GPHN: variants seen among roughly 807,000 people sequenced by gnomAD.
The protein encoded by GPHN is gephyrin.
A neutral mutation model predicts 95.5 loss-of-function variants in GPHN; 17 were observed. The ratio of observed to expected loss-of-function variants is 0.18; its 90% CI spans 0.12 to 0.27. The LOEUF (loss-of-function observed/expected upper bound fraction) is 0.27. Among genes scored for constraint, GPHN ranks in the 10% least tolerant of loss-of-function variants. The pLI, the probability that GPHN is intolerant of heterozygous loss-of-function variation, is 1.00. For missense variants in GPHN, 660 were observed against 978.1 expected (o/e 0.67, Z 4.34); for synonymous variants, 320 against 322.5 (o/e 0.99, Z 0.08).
At chr14:67,165,137 A>G (rs1567434325) in intron 19 of GPHN, 25 bp from the exon 20 acceptor site, 1 of 1,536,242 alleles carries the variant, frequency 6.5e-7, no homozygotes, top group Non-Finnish European at 9.0e-7. Context: ...GCAATCACTA[A>G]CAAGTGACTC....
At chr14:67,296,274 A>G in the GPHN span, among the ~76,000 whole-genome samples, 3 of 152,172 alleles carry the variant, frequency 2.0e-5, no homozygotes, top group Admixed American at 2.0e-4. Flanking sequence ...AATTTCTTGA[A>G]TGCTAAGTAA....
intron 4 of GPHN, among the ~76,000 whole-genome samples, chr14:66,863,644 G>C (rs548170225): frequency 6.6e-6 from 1 of 152,218 alleles, no homozygotes; most frequent in South Asian, 2.1e-4. Context: ...GAACAGAATA[G>C]AGAATCTAAA....
At chr14:66,552,915 C>G (rs539567964) in intron 1 of GPHN, among the ~76,000 whole-genome samples, 2 of 151,226 alleles carry the variant, frequency 1.3e-5, no homozygotes, top group South Asian at 2.1e-4. Context: ...TCTAATGTAT[C>G]TCAGTGTGGT....
At chr14:66,756,813 A>T (rs2058573160) in intron 2 of GPHN, among the ~76,000 whole-genome samples, 1 of 152,242 alleles carries the variant, frequency 6.6e-6, no homozygotes, top group Non-Finnish European at 1.5e-5. Flanking sequence ...TTTGATAATG[A>T]GAATGAAGTA....
rs144233697 is a variant in GPHN, at chr14:67,048,323, A to T, written c.1007-10326A>T. Among the ~76,000 whole-genome samples, 18 of 152,286 alleles carry T rather than the reference A, an allele frequency of 1.2e-4. No individual in the cohort carries two copies. In the East Asian group the frequency reaches 3.5e-3, roughly 29 times the overall value. On this transcript the variant is annotated intron_variant, in intron 10 of 22. Coordinates refer to ENST00000478722, the MANE Select transcript of GPHN (RefSeq NM_020806.5). ...GATAGGAAATCTCACTAACATTTTTATTACTTCCTCTGCAAAAATTCTGAA... is the reference window on the plus strand; with the variant it reads ...GATAGGAAATCTCACTAACATTTTTTTTACTTCCTCTGCAAAAATTCTGAA...
At chr14:67,067,945 C>T (rs1304175997) in intron 11 of GPHN, among the ~76,000 whole-genome samples, 5 of 152,176 alleles carry the variant, frequency 3.3e-5, no homozygotes, top group Admixed American at 3.3e-4. Flanking sequence ...TTCGACTCGC[C>T]CTCCATGGGC....
At chr14:67,591,065 AATAT>A in the GPHN span, among the ~76,000 whole-genome samples, 2 of 152,182 alleles carry the variant, frequency 1.3e-5, no homozygotes, top group Non-Finnish European at 2.9e-5. Context: ...CACTACCTAA[AATAT>A]ATAAAGAATT....
chr14:66,783,553 C>T (rs1214834541), intron 3 of GPHN, among the ~76,000 whole-genome samples: 3 of 152,182 alleles, frequency 2.0e-5, no homozygotes, highest in Non-Finnish European at 4.4e-5. Flanking sequence ...CCTTTCCTTT[C>T]CCACGTAAGT....
the GPHN span, chr14:67,199,111 T>TG: frequency 1.6e-6 from 2 of 1,258,998 alleles, no homozygotes; most frequent in South Asian, 1.2e-5. Flanking sequence ...ACTGTGTACG[T>TG]GGGGGGCCTG....
At chr14:67,060,059 A>G (rs2075761859) in intron 11 of GPHN, among the ~76,000 whole-genome samples, 2 of 152,116 alleles carry the variant, frequency 1.3e-5, no homozygotes, top group Admixed American at 1.3e-4. Context: ...TAAAAAAATT[A>G]ATAATACTTT....
rs373833358 is a variant in GPHN at position 66,965,612 on chromosome 14, A to G, written c.963+287A>G. 2.0e-5 allele frequency among the ~76,000 whole-genome samples: 3 copies of G among 152,230 alleles called. No homozygotes were observed. In the East Asian group the frequency reaches 5.8e-4, roughly 29 times the overall value. On this transcript the variant is annotated intron_variant, in intron 9 of 22. Coordinates refer to ENST00000478722, the MANE Select transcript of GPHN (RefSeq NM_020806.5). ...TTGTAGATTTGTTATTTTTTAGTAT[A>G]CTTAACATTATAGATGTAAAGTTAT...
At chr14:67,422,273 C>T in the GPHN span, among the ~76,000 whole-genome samples, 4 of 152,258 alleles carry the variant, frequency 2.6e-5, no homozygotes, top group South Asian at 8.3e-4. Flanking sequence ...CTTGTCCTGC[C>T]TTGCCTTCCC....
intron 2 of GPHN, among the ~76,000 whole-genome samples, chr14:66,725,752 C>T (rs1273688979): frequency 1.3e-5 from 2 of 152,138 alleles, no homozygotes; most frequent in Non-Finnish European, 2.9e-5. Context: ...ATACTGAATC[C>T]AGTTTTTGTG....
chr14:66,532,421 G>T (rs1424399741), intron 1 of GPHN, among the ~76,000 whole-genome samples: 2 of 152,182 alleles, frequency 1.3e-5, no homozygotes, highest in East Asian at 3.9e-4. Flanking sequence ...GGAAGCAGAA[G>T]ATGCCAGGCC....
intron 1 of GPHN, among the ~76,000 whole-genome samples, chr14:66,663,888 G>A (rs2065800481): frequency 1.3e-5 from 2 of 152,078 alleles, no homozygotes; most frequent in African/African-American, 2.4e-5. Context: ...AAGAAGAAGG[G>A]CATTACATAA....
chr14:67,590,051 G>A, the GPHN span: 1 of 1,542,222 alleles, frequency 6.5e-7, no homozygotes, highest in South Asian at 1.2e-5. Flanking sequence ...TCCCATGGAA[G>A]ACAATGCTGG....
At chr14:67,260,009 T>C in the GPHN span, among the ~76,000 whole-genome samples, 3 of 152,208 alleles carry the variant, frequency 2.0e-5, no homozygotes, top group African/African-American at 7.2e-5. Context: ...TTGGAAACAT[T>C]GTCCCCAGGA....
the GPHN span, among the ~76,000 whole-genome samples, chr14:67,733,363 C>T: frequency 1.8e-4 from 28 of 152,242 alleles, no homozygotes; most frequent in Middle Eastern, 3.4e-3. Flanking sequence ...TCTTCAATTA[C>T]GAATGTAGGC....
At chr14:67,372,126 T>TA in the GPHN span, among the ~76,000 whole-genome samples, 15 of 150,744 alleles carry the variant, frequency 1.0e-4, no homozygotes, top group South Asian at 4.2e-4. Flanking sequence ...TCTTTTTATT[T>TA]AAAAAAAAAA....
Sources: gnomAD v4.1 joint callset for allele counts (sites outside exome capture counted in the v4.1 genomes callset) on GRCh38, gnomAD v4.1.1 for gene constraint, MANE v1.5 for transcripts, NCBI Gene and HGNC (gene_info 2026-07-23, HGNC 2026-07-21) for gene names.